EPHB2: variants seen among roughly 807,000 people sequenced by gnomAD.
EPHB2 encodes the protein EPH receptor B2, also known as ephrin type-B receptor 2.
Under a neutral mutation model 96.4 loss-of-function variants are expected in EPHB2, and 18 were observed. The ratio of observed to expected loss-of-function variants is 0.19; its 90% confidence interval spans 0.13 to 0.28. The LOEUF (loss-of-function observed/expected upper bound fraction) is 0.28, where lower values mean the gene tolerates loss of function less well. Among genes scored for constraint, EPHB2 ranks in the 10% least tolerant of loss-of-function variants. The probability of loss-of-function intolerance (pLI) is 1.00; values close to 1 mark genes in which losing one functional copy is unlikely to be tolerated. For synonymous variants in EPHB2, 506 were observed against 534.1 expected, an observed-to-expected ratio of 0.95 and a Z score of 0.72; for missense variants, 989 against 1,355.4, an observed-to-expected ratio of 0.73 and a Z score of 4.25.
In EPHB2 at chr1:22,872,019, G is replaced by GAA. The variant is rs35319777; in HGVS notation, c.1303+6819_1303+6820dup. ...TAACAGAGCGAGACTCCATCTCAAAGAAAAAAAAAAAAATCTAGCATGGAT... is the reference window on the plus strand; with the variant it reads ...TAACAGAGCGAGACTCCATCTCAAAGAAAAAAAAAAAAAAATCTAGCATGGAT... On this transcript the variant is annotated intron_variant, in intron 5 of 15. Transcript: ENST00000374630. Among the ~76,000 whole-genome samples, 1,071 of 147,000 alleles carry GAA rather than the reference G, an allele frequency of 7.3e-3. 6 individuals are homozygous for GAA. Among genetic ancestry groups the GAA allele is most frequent in the African/African-American group, 0.021 (832 of 40,142 alleles).
intron 1 of EPHB2, among the ~76,000 whole-genome samples, chr1:22,776,234 C>T (rs549664801): frequency 3.3e-5 from 5 of 152,310 alleles, no homozygotes; most frequent in African/African-American, 7.2e-5. Flanking sequence ...CTCTGCTTCC[C>T]CTCTGCCTAG....
chr1:22,825,764 A>G (rs1645214199), intron 3 of EPHB2, among the ~76,000 whole-genome samples: 1 of 152,252 alleles, frequency 6.6e-6, no homozygotes, highest in Admixed American at 6.5e-5. Flanking sequence ...CTGAGGAGGC[A>G]GTGGCTGCCT....
chr1:22,747,189 G>A (rs12408248), intron 1 of EPHB2, among the ~76,000 whole-genome samples: 1 of 152,300 alleles, frequency 6.6e-6, no homozygotes, highest in East Asian at 1.9e-4. Context: ...CCGGACTGAG[G>A]GCCCAAGCAA....
intron 3 of EPHB2, among the ~76,000 whole-genome samples, chr1:22,833,156 T>C (rs553307331): frequency 1.3e-5 from 2 of 152,290 alleles, no homozygotes; most frequent in South Asian, 4.1e-4. Flanking sequence ...CTCGCTCTTT[T>C]GCCCAGGCTG....
intron 3 of EPHB2, among the ~76,000 whole-genome samples, chr1:22,821,673 C>T (rs1645153975): frequency 6.6e-6 from 1 of 152,224 alleles, no homozygotes; most frequent in South Asian, 2.1e-4. Flanking sequence ...CCATTTTCCT[C>T]TCTCCCTTGT....
intron 1 of EPHB2, among the ~76,000 whole-genome samples, chr1:22,770,085 A>G (rs770524382): frequency 2.6e-5 from 4 of 152,056 alleles, no homozygotes; most frequent in Admixed American, 6.6e-5. Context: ...TTTGACGAAT[A>G]GATGGATGGA....
intron 6 of EPHB2, chr1:22,891,237 C>A: frequency 8.8e-6 from 4 of 455,502 alleles, no homozygotes; most frequent in South Asian, 6.2e-5. Flanking sequence ...ATCTTAACCT[C>A]CATGCTATAA....
At chr1:22,762,799 A>G (rs565042504) in intron 1 of EPHB2, among the ~76,000 whole-genome samples, 2 of 152,182 alleles carry the variant, frequency 1.3e-5, no homozygotes, top group African/African-American at 4.8e-5. Context: ...GTGAAATGGG[A>G]GTGTGATGGC....
intron 3 of EPHB2, 35 bp downstream of exon 3, chr1:22,785,111 T>C: frequency 6.2e-7 from 1 of 1,611,904 alleles, no homozygotes; most frequent in East Asian, 2.2e-5. Flanking sequence ...CCCCTGCAAA[T>C]GCATAGAACT....
chr1:22,824,867 G>A (rs1645201733), intron 3 of EPHB2, among the ~76,000 whole-genome samples: 2 of 152,268 alleles, frequency 1.3e-5, no homozygotes, highest in Admixed American at 1.3e-4. Flanking sequence ...CCAGGGCAGG[G>A]TGGGTTGGCC....
intron 1 of EPHB2, among the ~76,000 whole-genome samples, chr1:22,762,609 C>A (rs1055223286): frequency 6.6e-6 from 1 of 152,102 alleles, no homozygotes; most frequent in African/African-American, 2.4e-5. Context: ...CTGGGGAAGC[C>A]CCTTCCCCTC....
chr1:22,716,767 A>G (rs937833302), intron 1 of EPHB2, among the ~76,000 whole-genome samples: 8 of 152,148 alleles, frequency 5.3e-5, no homozygotes, highest in Non-Finnish European at 1.2e-4. Context: ...AAAGGCCCCT[A>G]ACAGGAAGGG....
In EPHB2 at chr1:22,916,676, C is replaced by T. The variant is rs1443955844; in HGVS notation, c.*3106C>T. The T allele has an allele frequency of 1.3e-5, 2 of 152,584 alleles. No homozygotes were observed. The highest frequency in any genetic ancestry group is 1.5e-5 in the Non-Finnish European group (1 of 68,362). 9.5% of individuals were successfully genotyped at this position (152,584 alleles called of 1,614,324 possible). On this transcript the variant is annotated 3_prime_UTR_variant, in exon 16 of 16. Transcript: ENST00000374630. This position sits in a 1 kb window ranked among gnomAD's most constrained non-coding sequence, Gnocchi z 4.2. The stretch of plus-strand genomic sequence containing the variant: ...GGTTACTAATCCTTTCCTGGCTCAA[C>T]CTCCCCAAGTGCCAGCCCCCGCCTG...
chr1:22,736,473 G>A (rs1433287504), intron 1 of EPHB2, among the ~76,000 whole-genome samples: 1 of 152,198 alleles, frequency 6.6e-6, no homozygotes, highest in African/African-American at 2.4e-5. Context: ...CTGTTTAGCA[G>A]CCCCCACCCC....
intron 3 of EPHB2, among the ~76,000 whole-genome samples, chr1:22,813,823 C>A (rs1645035771): frequency 6.6e-6 from 1 of 152,210 alleles, no homozygotes; most frequent in African/African-American, 2.4e-5. Flanking sequence ...ATTCATCCCC[C>A]CTGAAATATG....
chr1:22,893,047 G>T lies in EPHB2; in HGVS notation c.1591+1G>T. 6.2e-7 allele frequency: 1 copy of T among 1,614,216 alleles called. No homozygotes were observed. The highest frequency in any genetic ancestry group is 2.2e-5 in the East Asian group (1 of 44,878). On this transcript the variant is annotated splice_donor_variant, in intron 7 of 15. Transcript: ENST00000374630. LOFTEE classifies it high-confidence loss of function. ...ATGTACTTCCAGACCATGACAGAAGGTGAGCAGAGTCCAGCGGGCAAGAGG... is the reference window on the plus strand; with the variant it reads ...ATGTACTTCCAGACCATGACAGAAGTTGAGCAGAGTCCAGCGGGCAAGAGG...
chr1:22,779,797 G>A (rs901173200), intron 1 of EPHB2, among the ~76,000 whole-genome samples: 9 of 152,172 alleles, frequency 5.9e-5, no homozygotes, highest in Non-Finnish European at 1.3e-4. Context: ...CAAATGGTTC[G>A]TATTTGTTTC....
chr1:22,856,318 G>A (rs1645698178), intron 3 of EPHB2, among the ~76,000 whole-genome samples: 2 of 152,202 alleles, frequency 1.3e-5, no homozygotes, highest in Admixed American at 6.5e-5. Context: ...GGGCAGGCGG[G>A]GAGAAAATCT....
At chr1:22,719,615 C>G (rs1270189281) in intron 1 of EPHB2, 1 of 152,306 alleles carries the variant, frequency 6.6e-6, no homozygotes, top group African/African-American at 2.4e-5. Flanking sequence ...CCTGTAAGGG[C>G]TTGAGTTTGC....
Sources: allele counts gnomAD v4.1 joint callset (sites outside exome capture counted in the v4.1 genomes callset), GRCh38; gene constraint gnomAD v4.1.1; non-coding constraint Gnocchi (gnomAD v3.1); transcripts MANE v1.5; gene names NCBI Gene and HGNC (gene_info 2026-07-23, HGNC 2026-07-21).